Variants in CTTNBP2NL observed in about 807,000 individuals in gnomAD.
CTTNBP2NL encodes CTTNBP2 N-terminal like, also known as CTTNBP2 N-terminal-like protein.
A neutral mutation model predicts 32.5 loss-of-function variants in CTTNBP2NL; 16 were observed. That is an observed-to-expected ratio of 0.49 (90% CI 0.33 to 0.75). The LOEUF (loss-of-function observed/expected upper bound fraction) is 0.75. CTTNBP2NL is among the 30% of genes least tolerant of loss of function. The pLI, the probability that CTTNBP2NL is intolerant of heterozygous loss-of-function variation, is 0.02. For synonymous variants in CTTNBP2NL, 298 were observed against 289.4 expected (o/e 1.03, Z -0.30); for missense variants, 645 against 756.0 (o/e 0.85, Z 1.72).
chr1:112,425,968 TG>T (rs1649381616), intron 3 of CTTNBP2NL, among the ~76,000 whole-genome samples: 1 of 108,600 alleles, frequency 9.2e-6, no homozygotes, highest in Non-Finnish European at 2.3e-5. Flanking sequence ...TGTGTGTGTG[TG>T]TGTGTGTGTG....
At chr1:112,405,116 T>G (rs1648621268) in intron 1 of CTTNBP2NL, among the ~76,000 whole-genome samples, 1 of 152,346 alleles carries the variant, frequency 6.6e-6, no homozygotes, top group East Asian at 1.9e-4. Flanking sequence ...CTGGTAATAA[T>G]ATTCTGATGT....
chr1:112,427,728 T>G (rs530172805), intron 3 of CTTNBP2NL, among the ~76,000 whole-genome samples: 2 of 152,232 alleles, frequency 1.3e-5, no homozygotes, highest in South Asian at 4.2e-4. Flanking sequence ...ACCCCGTCTC[T>G]ATTAAAAATA....
At chr1:112,394,016 G>A (rs977368989), upstream of CTTNBP2NL, among the ~76,000 whole-genome samples, 1 of 152,062 alleles carries the variant, frequency 6.6e-6, no homozygotes, top group African/African-American at 2.4e-5. Context: ...GACCAGCCTG[G>A]CCAACATGGC....
chr1:112,432,161 C>T (rs1275116493), intron 3 of CTTNBP2NL, among the ~76,000 whole-genome samples: 2 of 142,196 alleles, frequency 1.4e-5, no homozygotes, highest in Admixed American at 1.5e-4. Flanking sequence ...GCAAGTTCTG[C>T]CTCCCGGGTT....
intron 3 of CTTNBP2NL, among the ~76,000 whole-genome samples, chr1:112,430,413 T>G (rs1649536843): frequency 6.6e-6 from 1 of 152,030 alleles, no homozygotes; most frequent in Admixed American, 6.6e-5. Flanking sequence ...GTGGTTGTAC[T>G]TTTTTGTAGA....
intron 1 of CTTNBP2NL, among the ~76,000 whole-genome samples, chr1:112,401,049 T>A (rs114644188): frequency 6.6e-6 from 1 of 150,690 alleles, no homozygotes; most frequent in Non-Finnish European, 1.5e-5. Flanking sequence ...GTACCCAGGA[T>A]ATAAGAAGCA....
chr1:112,421,025 G>T (rs1016279225), intron 3 of CTTNBP2NL, among the ~76,000 whole-genome samples: 1 of 152,152 alleles, frequency 6.6e-6, no homozygotes, highest in Non-Finnish European at 1.5e-5. Context: ...AGGACCAAAT[G>T]AGATAGCAAA....
intron 3 of CTTNBP2NL, among the ~76,000 whole-genome samples, chr1:112,423,691 T>G (rs1395750452): frequency 1.3e-5 from 2 of 152,206 alleles, no homozygotes; most frequent in Non-Finnish European, 2.9e-5. Flanking sequence ...AGAGCAAAAG[T>G]TTTTCATTTC....
chr1:112,436,119 T>A (rs1230007648), intron 3 of CTTNBP2NL, among the ~76,000 whole-genome samples: 6 of 151,896 alleles, frequency 4.0e-5, no homozygotes, highest in Admixed American at 3.3e-4. Flanking sequence ...TGTTTGTTTG[T>A]TTGGCTTTCA....
At position 112,447,736 on chromosome 1, in the gene CTTNBP2NL, T is replaced by A. The variant is rs189777631; in HGVS notation, c.100-1206T>A. 3.5e-4 allele frequency among the ~76,000 whole-genome samples: 54 copies of A among 152,320 alleles called. 1 individual carries two copies. Among genetic ancestry groups the A allele is most frequent in the Non-Finnish European group, 4.7e-4 (32 of 68,030 alleles). On this transcript the variant is annotated intron_variant, in intron 3 of 5. Transcript: ENST00000271277. ...ATGAATTGCAAATTTCCCTTTTTTT[T>A]AAACAGGCTCCTATTTGTGGATGGC...
chr1:112,452,645 C>CTTTTTTTTTTTTTTTTTTTTTTTTTT (rs34842059), intron 4 of CTTNBP2NL, among the ~76,000 whole-genome samples: 2 of 133,108 alleles, frequency 1.5e-5, no homozygotes, highest in African/African-American at 6.2e-5. Flanking sequence ...CTCCTGGCCT[C>CTTTTTTTTTTTTTTTTTTTTTTTTTT]TTTTTTTTTT....
chr1:112,417,901 C>CA (rs1649112741), intron 3 of CTTNBP2NL, among the ~76,000 whole-genome samples: 1 of 105,152 alleles, frequency 9.5e-6, no homozygotes, highest in Non-Finnish European at 2.5e-5. Flanking sequence ...TTATTTGTAT[C>CA]GTTTTTGCTT....
chr1:112,428,198 T>C (rs1471304685), intron 3 of CTTNBP2NL, among the ~76,000 whole-genome samples: 2 of 152,180 alleles, frequency 1.3e-5, no homozygotes, highest in Non-Finnish European at 2.9e-5. Flanking sequence ...TAGAATCATA[T>C]GCATATTTTA....
intron 4 of CTTNBP2NL, among the ~76,000 whole-genome samples, chr1:112,449,724 A>AGGG (rs1284711127): frequency 1.7e-5 from 2 of 115,514 alleles, no homozygotes; most frequent in African/African-American, 7.9e-5. Context: ...TCTATTAGTG[A>AGGG]GGGGTGTGTG....
chr1:112,396,502 C>T (rs1190170267), intron 1 of CTTNBP2NL: 1 of 152,326 alleles, frequency 6.6e-6, no homozygotes, highest in African/African-American at 2.4e-5. Flanking sequence ...ATTCCCAGCT[C>T]CTCAGAAGGG....
intron 3 of CTTNBP2NL, among the ~76,000 whole-genome samples, chr1:112,445,389 T>G (rs1650008945): frequency 6.9e-6 from 1 of 144,324 alleles, no homozygotes; most frequent in South Asian, 2.1e-4. Context: ...TGTTTTGGGG[T>G]TTTTTTATTA....
intron 3 of CTTNBP2NL, among the ~76,000 whole-genome samples, chr1:112,445,483 T>C (rs2101027435): frequency 6.6e-6 from 1 of 152,204 alleles, no homozygotes; most frequent in East Asian, 1.9e-4. Flanking sequence ...CTGTCTCCCA[T>C]GTTCCAGTCC....
upstream of CTTNBP2NL, among the ~76,000 whole-genome samples, chr1:112,393,925 T>C (rs1235770301): frequency 6.6e-6 from 1 of 151,966 alleles, no homozygotes; most frequent in African/African-American, 2.4e-5. Context: ...AAGGAGGACC[T>C]GCCGGGCATG....
chr1:112,429,121 C>T (rs927571106), intron 3 of CTTNBP2NL, among the ~76,000 whole-genome samples: 1 of 152,172 alleles, frequency 6.6e-6, no homozygotes, highest in African/African-American at 2.4e-5. Context: ...GTTGAATTCT[C>T]TGTACCCTTG....
Sources: allele counts gnomAD v4.1 joint callset (sites outside exome capture counted in the v4.1 genomes callset), GRCh38; gene constraint gnomAD v4.1.1; transcripts MANE v1.5; gene names NCBI Gene and HGNC (gene_info 2026-07-23, HGNC 2026-07-21).